The following NAV3 variants were observed in gnomAD, a reference collection of about 807,000 sequenced individuals.
NAV3 encodes pore membrane and/or filament interacting like protein 1.
In NAV3, 87 loss-of-function variants were observed where a neutral mutation model predicts 244.7. The observed-to-expected ratio is 0.36, with a 90% CI of 0.30 to 0.42. The LOEUF (loss-of-function observed/expected upper bound fraction) is 0.42, where lower values mean the gene tolerates loss of function less well. Among genes scored for constraint, NAV3 ranks in the 20% least tolerant of loss-of-function variants. The pLI, the probability that NAV3 is intolerant of heterozygous loss-of-function variation, is 1.00. For synonymous variants in NAV3, 1,126 were observed against 1,042.2 expected (o/e 1.08, Z -1.55); for missense variants, 2,663 against 2,893.3 (o/e 0.92, Z 1.83).
At chr12:77,803,213 T>C (rs1394699546) in intron 2 of NAV3, among the ~76,000 whole-genome samples, 1 of 152,036 alleles carries the variant, frequency 6.6e-6, no homozygotes, top group Non-Finnish European at 1.5e-5. Flanking sequence ...ACATTAGGTA[T>C]TTCTCCTACA....
chr12:77,872,065 C>G (rs538215586), intron 1 of NAV3, among the ~76,000 whole-genome samples: 28 of 151,942 alleles, frequency 1.8e-4, no homozygotes, highest in African/African-American at 6.0e-4. Context: ...TTCATATGTT[C>G]GTCGGCTGCA....
chr12:77,863,720 CA>C (rs1879596849), intron 1 of NAV3, among the ~76,000 whole-genome samples: 1 of 138,482 alleles, frequency 7.2e-6, no homozygotes, highest in African/African-American at 2.5e-5. Context: ...GAATTTCTTA[CA>C]ATGAAAAAAA....
chr12:78,038,441 C>CTGT (rs1880290868), intron 9 of NAV3, among the ~76,000 whole-genome samples: 1 of 152,184 alleles, frequency 6.6e-6, no homozygotes, highest in South Asian at 2.1e-4. Context: ...GTAGACCCTC[C>CTGT]TGTTACAAGA....
chr12:77,800,424 G>T (rs184765782), intron 2 of NAV3, among the ~76,000 whole-genome samples: 12 of 152,248 alleles, frequency 7.9e-5, no homozygotes, highest in Non-Finnish European at 1.5e-5. Flanking sequence ...GGATCCTAGC[G>T]ATTGTACAAT....
chr12:77,657,142 C>G (rs1592548682), intron 2 of NAV3, among the ~76,000 whole-genome samples: 1 of 152,130 alleles, frequency 6.6e-6, no homozygotes, highest in African/African-American at 2.4e-5. Flanking sequence ...CACAAAAAAC[C>G]CTTCACAAAA....
At position 78,177,128 on chromosome 12, in the gene NAV3, G is replaced by A. The variant is rs1352825317; in HGVS notation, c.5125-13G>A. 11 of 1,612,856 alleles carry A rather than the reference G, an allele frequency of 6.8e-6. No individual in the cohort carries two copies. The highest frequency in any genetic ancestry group is 4.5e-5 in the East Asian group (2 of 44,746). On this transcript the variant is annotated splice_polypyrimidine_tract_variant and intron_variant, in intron 26 of 39. Transcript: ENST00000397909. ...CAAATAGACAAGAAGGGTAATTTCTGTCCTTGTTTCAGCTGAGAAGTTCTT... is the reference window on the plus strand; with the variant it reads ...CAAATAGACAAGAAGGGTAATTTCTATCCTTGTTTCAGCTGAGAAGTTCTT...
At chr12:77,993,342 GC>G (rs1401865892) in intron 5 of NAV3, among the ~76,000 whole-genome samples, 1 of 152,056 alleles carries the variant, frequency 6.6e-6, no homozygotes, top group Admixed American at 6.6e-5. Flanking sequence ...TTCACAAAAG[GC>G]TTTTCCTCAC....
chr12:77,661,878 TTTG>T, intron 2 of NAV3, among the ~76,000 whole-genome samples: 1 of 152,186 alleles, frequency 6.6e-6, no homozygotes, highest in East Asian at 1.9e-4. Flanking sequence ...GATTTTGTAT[TTTG>T]TTGTACATGT....
intron 9 of NAV3, among the ~76,000 whole-genome samples, chr12:78,041,604 C>T (rs1163116039): frequency 1.3e-5 from 2 of 152,150 alleles, no homozygotes; most frequent in Non-Finnish European, 1.5e-5. Flanking sequence ...AAGGAGCCAT[C>T]TCTTACTGGT....
intron 2 of NAV3, among the ~76,000 whole-genome samples, chr12:77,628,183 T>C (rs147956699): frequency 1.4e-4 from 22 of 152,322 alleles, no homozygotes; most frequent in African/African-American, 4.8e-4. Context: ...ATGATAAATG[T>C]TTGAGGTGAT....
chr12:78,002,980 G>A (rs745916154), intron 7 of NAV3, among the ~76,000 whole-genome samples: 7 of 151,418 alleles, frequency 4.6e-5, no homozygotes, highest in Middle Eastern at 3.4e-3. Flanking sequence ...TTACATACTG[G>A]CTGGTGAGTG....
At chr12:77,904,446 A>G (rs1190731256) in intron 1 of NAV3, among the ~76,000 whole-genome samples, 1 of 152,182 alleles carries the variant, frequency 6.6e-6, no homozygotes, top group Non-Finnish European at 1.5e-5. Context: ...TTGAACAATG[A>G]GAACACATGG....
At chr12:77,872,543 C>A (rs533949505) in intron 1 of NAV3, among the ~76,000 whole-genome samples, 1 of 152,250 alleles carries the variant, frequency 6.6e-6, no homozygotes, top group African/African-American at 2.4e-5. Flanking sequence ...TGGGGAAGTT[C>A]TGGTTGGAGA....
intron 3 of NAV3, among the ~76,000 whole-genome samples, chr12:77,961,013 GTA>G (rs1218392436): frequency 3.4e-5 from 5 of 145,514 alleles, no homozygotes; most frequent in African/African-American, 7.4e-5. Context: ...ATGTATATAT[GTA>G]TATGTTACAT....
At chr12:77,739,532 A>G (rs147167639) in intron 2 of NAV3, among the ~76,000 whole-genome samples, 1 of 152,270 alleles carries the variant, frequency 6.6e-6, no homozygotes, top group Non-Finnish European at 1.5e-5. Flanking sequence ...ACTCTGACTG[A>G]ACATTAATGT....
intron 1 of NAV3, among the ~76,000 whole-genome samples, chr12:77,870,518 C>T (rs11107118): frequency 0.096 from 14,542 of 152,038 alleles, 769 homozygotes; most frequent in South Asian, 0.13. Context: ...ATTAGTTAGA[C>T]ATTTAGGAAT....
intron 2 of NAV3, among the ~76,000 whole-genome samples, chr12:77,666,708 A>C (rs1331972806): frequency 6.6e-6 from 1 of 152,180 alleles, no homozygotes; most frequent in African/African-American, 2.4e-5. Context: ...CATTTTATTT[A>C]ATCTAGAATT....
At chr12:77,870,540 A>G (rs146125113) in intron 1 of NAV3, among the ~76,000 whole-genome samples, 2,120 of 152,296 alleles carry the variant, frequency 0.014, 26 homozygotes, top group Non-Finnish European at 0.023. Flanking sequence ...GGGATAAAAG[A>G]GAAATACTGG....
intron 12 of NAV3, among the ~76,000 whole-genome samples, chr12:78,077,162 G>T (rs1953092741): frequency 1.3e-5 from 2 of 151,596 alleles, no homozygotes; most frequent in African/African-American, 4.9e-5. Flanking sequence ...TTCTTCATTT[G>T]TTTTTACTCC....
Sources: gnomAD v4.1 joint callset for allele counts (sites outside exome capture counted in the v4.1 genomes callset) on GRCh38, gnomAD v4.1.1 for gene constraint, MANE v1.5 for transcripts, NCBI Gene and HGNC (gene_info 2026-07-23, HGNC 2026-07-21) for gene names.